The following KIAA0930 variants were observed in gnomAD, a reference collection of about 807,000 sequenced individuals.
KIAA0930 encodes the protein KIAA0930, also known as uncharacterized protein KIAA0930.
In KIAA0930, 24 loss-of-function variants were observed where a neutral mutation model predicts 43.9. The ratio of observed to expected loss-of-function variants is 0.55; its 90% CI spans 0.40 to 0.77. The LOEUF is 0.77. Ranked by LOEUF, KIAA0930 falls within the 30% of genes least tolerant of loss-of-function variation. The probability of loss-of-function intolerance (pLI) is 0.00; values close to 1 mark genes in which losing one functional copy is unlikely to be tolerated. For synonymous variants in KIAA0930, 259 were observed against 216.4 expected (o/e 1.20, Z -1.73); for missense variants, 461 against 574.2 (o/e 0.80, Z 2.02).
At chr22:45,220,854 T>TAC (rs1468291779) in intron 1 of KIAA0930, among the ~76,000 whole-genome samples, 1 of 152,192 alleles carries the variant, frequency 6.6e-6, no homozygotes, top group Non-Finnish European at 1.5e-5. Context: ...GTGCTGGGAT[T>TAC]ACACGTGTGA....
chr22:45,202,877 T>C (rs2083601526), intron 7 of KIAA0930, 113 bp downstream of exon 7: 2 of 879,168 alleles, frequency 2.3e-6, no homozygotes, highest in East Asian at 2.8e-5. Flanking sequence ...GCCTGCGCAC[T>C]GGTGGTTGGG....
At chr22:45,220,408 C>A (rs139922720) in intron 1 of KIAA0930, among the ~76,000 whole-genome samples, 1 of 151,594 alleles carries the variant, frequency 6.6e-6, no homozygotes, top group Non-Finnish European at 1.5e-5. Flanking sequence ...TGATCGAGAT[C>A]GGGCCACTCC....
chr22:45,235,291 G>A (rs1488557213), intron 1 of KIAA0930: 1 of 152,270 alleles, frequency 6.6e-6, no homozygotes, highest in Non-Finnish European at 1.5e-5. Flanking sequence ...AGATGTCCAT[G>A]CAGCTGTGGT....
At chr22:45,211,822 AGGTGCT>A (rs2083696165) in intron 2 of KIAA0930, 128 bp downstream of exon 2, 1 of 880,070 alleles carries the variant, frequency 1.1e-6, no homozygotes, top group African/African-American at 1.7e-5. Flanking sequence ...GGAATACAGT[AGGTGCT>A]CAATAAATAT....
At chr22:45,202,934 G>A (rs920577304) in intron 7 of KIAA0930, 56 bp downstream of exon 7, 225 of 1,438,994 alleles carry the variant, frequency 1.6e-4, no homozygotes, top group Non-Finnish European at 1.9e-4. Context: ...CGGGGGAGAC[G>A]GTGGAAAGTG....
At chr22:45,221,496 A>G (rs1231589096) in intron 1 of KIAA0930, among the ~76,000 whole-genome samples, 1 of 152,244 alleles carries the variant, frequency 6.6e-6, no homozygotes, top group Non-Finnish European at 1.5e-5. Flanking sequence ...CAGATGCCCT[A>G]CCAGAACTTA....
intron 1 of KIAA0930, chr22:45,212,485 G>T (rs1430819906): frequency 3.5e-6 from 5 of 1,435,324 alleles, no homozygotes; most frequent in East Asian, 2.5e-5. Flanking sequence ...GGCTGGGGGG[G>T]AGCCTTTGGA....
At chr22:45,205,084 C>T in intron 5 of KIAA0930, 133 bp downstream of exon 5, 2 of 694,928 alleles carry the variant, frequency 2.9e-6, no homozygotes. Context: ...AGAGCCACAT[C>T]TGCCTCAGCC....
At chr22:45,225,819 A>T (rs1031202801) in intron 1 of KIAA0930, among the ~76,000 whole-genome samples, 33 of 152,256 alleles carry the variant, frequency 2.2e-4, no homozygotes, top group African/African-American at 6.3e-4. Flanking sequence ...GCCTCACTTG[A>T]TCTTCACAAA....
chr22:45,220,638 G>A (rs1315538580), intron 1 of KIAA0930, among the ~76,000 whole-genome samples: 2 of 152,134 alleles, frequency 1.3e-5, no homozygotes, highest in Admixed American at 6.5e-5. Context: ...CTGGAGCACA[G>A]TGCTATGATC....
At chr22:45,200,302 C>T (rs2083576335) in intron 7 of KIAA0930, 2 of 409,768 alleles carry the variant, frequency 4.9e-6, no homozygotes, top group Non-Finnish European at 8.6e-6. Context: ...CAGAAAGACC[C>T]CCCTCCTCTG....
At chr22:45,231,291 T>C (rs1362697407) in intron 1 of KIAA0930, among the ~76,000 whole-genome samples, 1 of 152,030 alleles carries the variant, frequency 6.6e-6, no homozygotes, top group Non-Finnish European at 1.5e-5. Flanking sequence ...CACTTCCTTA[T>C]GAAGGCTCCT....
chr22:45,230,240 G>A lies in KIAA0930; in HGVS notation c.64+10400C>T, dbSNP rs116977192. 5.2e-3 allele frequency among the ~76,000 whole-genome samples: 787 copies of A among 152,296 alleles called. 5 individuals are homozygous for A. The highest frequency in any genetic ancestry group is 7.1e-3 in the Non-Finnish European group (486 of 68,012). On this transcript the variant is annotated intron_variant, in intron 1 of 9. Coordinates refer to ENST00000336156, the MANE Select transcript of KIAA0930 (RefSeq NM_001009880.2). ...GCAGGGGAGAGCAGACACAGGGCGGGCAGCGAGTCACGTCTTGGTCAGGCT... is the reference window on the plus strand; with the variant it reads ...GCAGGGGAGAGCAGACACAGGGCGGACAGCGAGTCACGTCTTGGTCAGGCT...
chr22:45,233,823 G>C (rs1569085827), intron 1 of KIAA0930, among the ~76,000 whole-genome samples: 1 of 152,212 alleles, frequency 6.6e-6, no homozygotes, highest in African/African-American at 2.4e-5. Context: ...ACTCCTACCT[G>C]ACAGGGGTTA....
chr22:45,233,736 C>A (rs1316177765), intron 1 of KIAA0930, among the ~76,000 whole-genome samples: 1 of 152,144 alleles, frequency 6.6e-6, no homozygotes, highest in Non-Finnish European at 1.5e-5. Flanking sequence ...GCACCAGACC[C>A]AAGCTGCTGG....
chr22:45,203,319 C>A, intron 6 of KIAA0930, 135 bp from the exon 7 acceptor site: 1 of 858,292 alleles, frequency 1.2e-6, no homozygotes, highest in Non-Finnish European at 1.8e-6. Flanking sequence ...TCTGAGCTGG[C>A]AGGCGGGGCA....
At chr22:45,214,698 C>T (rs370416931) in intron 1 of KIAA0930, among the ~76,000 whole-genome samples, 1 of 151,854 alleles carries the variant, frequency 6.6e-6, no homozygotes, top group Admixed American at 6.6e-5. Context: ...TGCTTTAGGC[C>T]AGGAGTTCAA....
chr22:45,200,068 C>A, intron 7 of KIAA0930, 33 bp from the exon 8 acceptor site: 1 of 1,554,380 alleles, frequency 6.4e-7, no homozygotes, highest in Non-Finnish European at 8.7e-7. Flanking sequence ...ACCAGAGTAG[C>A]AGAACAGCCC....
chr22:45,202,556 G>A (rs1028750854), intron 7 of KIAA0930: 2 of 160,914 alleles, frequency 1.2e-5, no homozygotes, highest in African/African-American at 4.8e-5. Context: ...ATCCCCATCT[G>A]ACTCACCGGG....
Sources: allele counts gnomAD v4.1 joint callset (sites outside exome capture counted in the v4.1 genomes callset), GRCh38; gene constraint gnomAD v4.1.1; transcripts MANE v1.5; gene names NCBI Gene and HGNC (gene_info 2026-07-23, HGNC 2026-07-21).